The following CRCP variants were observed in gnomAD, a reference collection of about 807,000 sequenced individuals.
The protein encoded by CRCP is CGRP receptor component, also known as DNA-directed RNA polymerase III subunit RPC9.
A neutral mutation model predicts 18.5 loss-of-function variants in CRCP; 18 were observed. The ratio of observed to expected loss-of-function variants is 0.97; its 90% CI spans 0.67 to 1.44. CRCP has a LOEUF of 1.44. Ranked by LOEUF, CRCP falls within the 40% of genes most tolerant of loss-of-function variation. CRCP has a pLI of 0.00. For synonymous variants in CRCP, 53 were observed against 62.9 expected (o/e 0.84, Z 0.75); for missense variants, 130 against 176.4 (o/e 0.74, Z 1.49).
chr7:66,130,342 G>T, intron 2 of CRCP: 1 of 185,930 alleles, frequency 5.4e-6, no homozygotes, highest in Non-Finnish European at 1.1e-5. Context: ...CTGACCTCAT[G>T]AACCGCCCAC....
At chr7:66,151,749 TTTC>T (rs1173914781) in intron 5 of CRCP, among the ~76,000 whole-genome samples, 2 of 93,112 alleles carry the variant, frequency 2.1e-5, no homozygotes, top group African/African-American at 4.3e-5. Flanking sequence ...CTTTTTTTCT[TTTC>T]TTTTTTTTTT....
At chr7:66,140,160 C>A (rs1788090625) in intron 4 of CRCP, among the ~76,000 whole-genome samples, 1 of 152,226 alleles carries the variant, frequency 6.6e-6, no homozygotes, top group Non-Finnish European at 1.5e-5. Flanking sequence ...TCTCAGTCTC[C>A]TGGCGAGAAA....
chr7:66,137,229 C>T lies in CRCP; in HGVS notation c.239+2855C>T, dbSNP rs529808159. ...GATTTATACCTATTTCATAATTTTGCGTGCTATTGTAAATGGTGCTCATTT... is the reference window on the plus strand; with the variant it reads ...GATTTATACCTATTTCATAATTTTGTGTGCTATTGTAAATGGTGCTCATTT... On this transcript the variant is annotated intron_variant, in intron 4 of 5. Transcript: ENST00000395326. Among the ~76,000 whole-genome samples the T allele has an allele frequency of 2.3e-4, 35 of 152,140 alleles. No homozygotes were observed. In the South Asian group the frequency reaches 7.0e-3, roughly 31 times the overall value.
Position 66,114,921 on chromosome 7 carries a change from T to A in CRCP, c.-42T>A. ...GCGGAGACAGCTGTGAAGTGTGAGG[T>A]TCTTTGTCTGCTGGCAGCTAGGGGC... On this transcript the variant is annotated 5_prime_UTR_variant, in exon 1 of 6. Transcript: ENST00000395326. The A allele has an allele frequency of 6.2e-7, 1 of 1,610,688 alleles. No homozygotes were observed. The highest frequency in any genetic ancestry group is 8.5e-7 in the Non-Finnish European group (1 of 1,177,618).
chr7:66,130,292 G>A (rs757392218), intron 2 of CRCP: 6 of 214,454 alleles, frequency 2.8e-5, no homozygotes, highest in Non-Finnish European at 4.7e-5. Context: ...TTTTAGTAGA[G>A]ATGGGGTTTC....
chr7:66,144,335 G>A (rs1344265920), intron 4 of CRCP, among the ~76,000 whole-genome samples: 1 of 152,180 alleles, frequency 6.6e-6, no homozygotes, highest in Non-Finnish European at 1.5e-5. Context: ...CAGGGCAGAG[G>A]CACTGTACCT....
At chr7:66,136,642 G>A (rs1475888771) in intron 4 of CRCP, among the ~76,000 whole-genome samples, 1 of 152,014 alleles carries the variant, frequency 6.6e-6, no homozygotes, top group South Asian at 2.1e-4. Context: ...AGCATTTCAG[G>A]TGTGAGCCAC....
rs1488037087 is a variant in CRCP at position 66,152,371 on chromosome 7, G to T, written c.*14G>T. On this transcript the variant is annotated 3_prime_UTR_variant, in exon 6 of 6. Transcript: ENST00000395326. ...GACCCAGCATAGAAGAGCACAGCTG[G>T]CCCCGGCGTTTCATGAAGTCAGAAG... 6.2e-7 allele frequency: 1 copy of T among 1,613,004 alleles called. No individual in the cohort carries two copies. Among genetic ancestry groups the T allele is most frequent in the Non-Finnish European group, 8.5e-7 (1 of 1,179,624 alleles).
chr7:66,130,689 G>A (rs1376543006), intron 2 of CRCP, 55 bp from the exon 3 acceptor site: 5 of 1,045,250 alleles, frequency 4.8e-6, no homozygotes, highest in Non-Finnish European at 7.4e-6. Flanking sequence ...ACTGACCTTG[G>A]ATAGATATAT....
chr7:66,152,600 C>G lies in CRCP; in HGVS notation c.*243C>G, dbSNP rs1267891264. On this transcript the variant is annotated 3_prime_UTR_variant, in exon 6 of 6. Transcript: ENST00000395326. The stretch of plus-strand genomic sequence containing the variant: ...TGAAGGTGGGGACAGTGACCGCGGA[C>G]CCCTCTGTGCTTGAAAGATTTCCTC... 2.0e-6 allele frequency: 1 copy of G among 487,898 alleles called. No individual in the cohort carries two copies. Among genetic ancestry groups the G allele is most frequent in the Non-Finnish European group, 3.7e-6 (1 of 269,486 alleles). The allele number at this position is 487,898 out of a possible 1,614,324, so 30.2% of individuals were successfully genotyped here.
At chr7:66,129,312 G>A (rs1412167511) in intron 2 of CRCP, among the ~76,000 whole-genome samples, 5 of 152,094 alleles carry the variant, frequency 3.3e-5, no homozygotes, top group African/African-American at 1.2e-4. Flanking sequence ...CAGCCTGGGC[G>A]ACAGCGAGAC....
chr7:66,129,810 C>A (rs438422), intron 2 of CRCP, among the ~76,000 whole-genome samples: 4 of 152,134 alleles, frequency 2.6e-5, no homozygotes, highest in Admixed American at 6.6e-5. Flanking sequence ...TCTGAAAGGA[C>A]CAGCAGATGA....
chr7:66,121,221 T>G (rs1787431663), intron 1 of CRCP, among the ~76,000 whole-genome samples: 1 of 151,828 alleles, frequency 6.6e-6, no homozygotes, highest in African/African-American at 2.4e-5. Context: ...TGGCTAATTT[T>G]TGTATTTTCA....
At chr7:66,135,697 T>C (rs1300423958) in intron 4 of CRCP, among the ~76,000 whole-genome samples, 1 of 151,926 alleles carries the variant, frequency 6.6e-6, no homozygotes, top group Non-Finnish European at 1.5e-5. Flanking sequence ...CTGAGGTGGG[T>C]GGATCACCTG....
chr7:66,127,943 T>G (rs1296425415), intron 2 of CRCP, among the ~76,000 whole-genome samples: 2 of 151,704 alleles, frequency 1.3e-5, no homozygotes, highest in Non-Finnish European at 2.9e-5. Flanking sequence ...AAACCCAGTC[T>G]CTACTAAAAA....
intron 4 of CRCP, among the ~76,000 whole-genome samples, chr7:66,136,217 C>T (rs537009555): frequency 3.3e-5 from 5 of 151,392 alleles, no homozygotes; most frequent in East Asian, 1.9e-4. Context: ...AAAACTAGCC[C>T]GTTTTTTTTT....
rs566780562 is a variant in CRCP, at chr7:66,130,830, T to A, written c.132T>A (p.Thr44=). The part of the protein sequence containing the change: ...KHSSGQQNLN[T]ITYETLKYIS... The stretch of plus-strand genomic sequence containing the variant: ...GCTCTGGGCAACAGAACTTGAACAC[T>A]ATCACCTATGAAGTAAGGCTGGGCT... Residue 44 remains threonine (T), a synonymous_variant, in exon 3 of 6, where the codon ACT becomes ACA. Coordinates refer to ENST00000395326, the MANE Select transcript of CRCP (RefSeq NM_014478.5). 8.9e-6 allele frequency: 14 copies of A among 1,565,062 alleles called. No homozygotes were observed. The African/African-American group carries it at 1.6e-4, about 18-fold the overall frequency.
At chr7:66,129,625 C>T (rs1356022341) in intron 2 of CRCP, among the ~76,000 whole-genome samples, 3 of 150,624 alleles carry the variant, frequency 2.0e-5, no homozygotes, top group Non-Finnish European at 4.4e-5. Flanking sequence ...ATTCTTTCCT[C>T]TCTAAAGGCT....
intron 5 of CRCP, among the ~76,000 whole-genome samples, chr7:66,147,618 T>C (rs1584099793): frequency 6.6e-6 from 1 of 152,152 alleles, no homozygotes; most frequent in South Asian, 2.1e-4. Flanking sequence ...TTCTACAAAG[T>C]AGGTAGGCCT....
Sources: gnomAD v4.1 joint callset for allele counts (sites outside exome capture counted in the v4.1 genomes callset) on GRCh38, gnomAD v4.1.1 for gene constraint, MANE v1.5 for transcripts, NCBI Gene and HGNC (gene_info 2026-07-23, HGNC 2026-07-21) for gene names.